ASPA: variants seen among roughly 807,000 people sequenced by gnomAD.
ASPA encodes aspartoacylase.
Under a neutral mutation model 29.6 loss-of-function variants are expected in ASPA, and 25 were observed. The ratio of observed to expected loss-of-function variants is 0.85; its 90% CI spans 0.62 to 1.18. The LOEUF is 1.18. Among genes scored for constraint, ASPA ranks in the 50% most tolerant of loss-of-function variants. The pLI is 0.00. For synonymous variants in ASPA, 131 were observed against 130.3 expected (o/e 1.01, Z -0.04); for missense variants, 333 against 385.7 (o/e 0.86, Z 1.14).
chr17:3,501,608 A>G lies in ASPA; in HGVS notation c.*2520A>G, dbSNP rs1334344651. On this transcript the variant is annotated 3_prime_UTR_variant, in exon 6 of 6. Transcript: ENST00000263080. ...ACAAAGGATTTAGAATATTACGTAA[A>G]CATAGTTGATAAAGCAGCAGCAGGG... 6.0e-6 allele frequency: 1 copy of G among 166,236 alleles called. No individual in the cohort carries two copies. Among genetic ancestry groups the G allele is most frequent in the Non-Finnish European group, 1.3e-5 (1 of 78,886 alleles). 10.3% of individuals were successfully genotyped at this position (166,236 alleles called of 1,614,324 possible).
chr17:3,491,876 TC>T (rs1241417587), intron 4 of ASPA, among the ~76,000 whole-genome samples: 30 of 102,696 alleles, frequency 2.9e-4, no homozygotes, highest in African/African-American at 1.0e-3. Flanking sequence ...TCTTTTGTTT[TC>T]TTTTTTTTTT....
intron 4 of ASPA, 90 bp from the exon 5 acceptor site, chr17:3,494,260 T>G: frequency 1.0e-6 from 1 of 991,480 alleles, no homozygotes; most frequent in Non-Finnish European, 1.6e-6. Flanking sequence ...CAACTCGGCC[T>G]CCCAAAGTGC....
intron 2 of ASPA, 130 bp downstream of exon 2, chr17:3,481,928 G>C (rs1173639002): frequency 1.1e-6 from 1 of 881,332 alleles, no homozygotes; most frequent in Non-Finnish European, 1.7e-6. Flanking sequence ...CCATAGCCAG[G>C]CTTGGTGGTT....
chr17:3,497,147 A>G (rs1467564272), intron 5 of ASPA, among the ~76,000 whole-genome samples: 1 of 152,012 alleles, frequency 6.6e-6, no homozygotes, highest in Non-Finnish European at 1.5e-5. Context: ...CAGGGAATCA[A>G]TTGAGTTCAC....
rs2073962593 is a variant in ASPA at position 3,499,290 on chromosome 17, A to G, written c.*202A>G. 4.1e-6 allele frequency: 2 copies of G among 483,438 alleles called. No homozygotes were observed. The highest frequency in any genetic ancestry group is 8.0e-5 in the South Asian group (2 of 24,956). The allele number at this position is 483,438 out of a possible 1,614,324, so 29.9% of individuals were successfully genotyped here. A position where few individuals can be genotyped will look rare whatever the true frequency, so the allele number is the denominator to read the frequency against. ...TATTTTATGTATGTAGCTTATTCAA[A>G]GAAGTGTTTCCTATTTCTATATAGT... On this transcript the variant is annotated 3_prime_UTR_variant, in exon 6 of 6. Coordinates refer to ENST00000263080, the MANE Select transcript of ASPA (RefSeq NM_000049.4).
chr17:3,488,870 C>T lies in ASPA; in HGVS notation c.527-365C>T, dbSNP rs2073772651. Among the ~76,000 whole-genome samples, 1 of 152,060 alleles carries T rather than the reference C, an allele frequency of 6.6e-6. No individual in the cohort carries two copies. The highest frequency in any genetic ancestry group is 1.5e-5 in the Non-Finnish European group (1 of 68,026). ...GATCTTAACAGTTTCTCTTCAGGTC[C>T]ACCTATTATTTTGTCAGCATAAACT... On this transcript the variant is annotated intron_variant, in intron 3 of 5. Coordinates refer to ENST00000263080, the MANE Select transcript of ASPA (RefSeq NM_000049.4). This position sits in a 1 kb window ranked among gnomAD's most constrained non-coding sequence, Gnocchi z 6.1.
chr17:3,489,242 A>G lies in ASPA; in HGVS notation c.534A>G (p.Glu178=). 6.2e-7 allele frequency: 1 copy of G among 1,606,882 alleles called. No homozygotes were observed. Among genetic ancestry groups the G allele is most frequent in the African/African-American group, 1.3e-5 (1 of 74,862 alleles). Residue 178 remains glutamate, a synonymous_variant, in exon 4 of 6, where the codon GAA becomes GAG. Transcript: ENST00000263080. ...CTCTCCTTCTGTACCTAGGTATAGA[A>G]GTTGGTCCTCAGCCTCAAGGGGTTC... ...RSIAKYPVGI[E]VGPQPQGVLR...
intron 3 of ASPA, 127 bp downstream of exon 3, chr17:3,483,719 A>G: frequency 3.4e-6 from 3 of 894,576 alleles, no homozygotes; most frequent in Non-Finnish European, 5.3e-6. Context: ...CTGGAGTCCG[A>G]TGGTGTGATC....
At chr17:3,498,463 T>G (rs1463552703) in intron 5 of ASPA, among the ~76,000 whole-genome samples, 5 of 152,074 alleles carry the variant, frequency 3.3e-5, no homozygotes, top group African/African-American at 1.2e-4. Context: ...TCCTCCCACC[T>G]CAGCCTCCTG....
At chr17:3,477,023 C>T (rs536617246) in intron 1 of ASPA, among the ~76,000 whole-genome samples, 17 of 151,926 alleles carry the variant, frequency 1.1e-4, no homozygotes, top group Non-Finnish European at 2.1e-4. Flanking sequence ...GGCGTAGTGG[C>T]GGGTGCCTGT....
In ASPA at chr17:3,490,522, C is replaced by G. The variant is rs2073806795; in HGVS notation, c.634+1180C>G. 6.8e-6 allele frequency among the ~76,000 whole-genome samples: 1 copy of G among 147,592 alleles called. No individual in the cohort carries two copies. The highest frequency in any genetic ancestry group is 2.5e-5 in the African/African-American group (1 of 40,446). ...CTTCGGTGTCTGTGGGGAGTGAATT[C>G]CTCAACCTCAGATCGTGCGCACCCC... On this transcript the variant is annotated intron_variant, in intron 4 of 5. Coordinates refer to ENST00000263080, the MANE Select transcript of ASPA (RefSeq NM_000049.4). The surrounding 1 kb of genome is among the most constrained non-coding windows in gnomAD (Gnocchi z 4.6).
chr17:3,496,048 G>A (rs191460533), intron 5 of ASPA, among the ~76,000 whole-genome samples: 25 of 152,308 alleles, frequency 1.6e-4, no homozygotes, highest in Admixed American at 1.3e-3. Flanking sequence ...CCAGGCAGAC[G>A]GAGAAGTGAG....
intron 2 of ASPA, among the ~76,000 whole-genome samples, chr17:3,482,318 A>G (rs1375958810): frequency 5.9e-5 from 9 of 152,222 alleles, no homozygotes; most frequent in Admixed American, 5.9e-4. Context: ...CATTTGATTT[A>G]GACACCCCAG....
chr17:3,493,449 T>G (rs958675157), intron 4 of ASPA, among the ~76,000 whole-genome samples: 2 of 147,520 alleles, frequency 1.4e-5, no homozygotes, highest in East Asian at 4.1e-4. Flanking sequence ...TAGTCCCAGC[T>G]ACTCAGGAGG....
At chr17:3,496,796 G>T (rs568852009) in intron 5 of ASPA, among the ~76,000 whole-genome samples, 16 of 152,214 alleles carry the variant, frequency 1.1e-4, no homozygotes, top group Non-Finnish European at 5.9e-5. Context: ...GCCAGGAGCG[G>T]TGGCTCACGC....
In ASPA at chr17:3,499,883, C is replaced by G. The variant is rs536690124; in HGVS notation, c.*795C>G. 1 of 152,306 alleles carries G rather than the reference C, an allele frequency of 6.6e-6. No individual in the cohort carries two copies. The highest frequency in any genetic ancestry group is 2.1e-4 in the South Asian group (1 of 4,832). The allele number at this position is 152,306 out of a possible 1,614,324, so 9.4% of individuals were successfully genotyped here. The stretch of plus-strand genomic sequence containing the variant: ...CTTAGTAAGGAAGGCATGTCAAAAG[C>G]TGAGACAGGCTGAAAGCTAGGCCTC... On this transcript the variant is annotated 3_prime_UTR_variant, in exon 6 of 6. Coordinates refer to ENST00000263080, the MANE Select transcript of ASPA (RefSeq NM_000049.4).
intron 5 of ASPA, 72 bp downstream of exon 5, chr17:3,494,531 T>C: frequency 1.6e-6 from 2 of 1,287,896 alleles, no homozygotes; most frequent in South Asian, 1.2e-5. Context: ...TTATAGCTCA[T>C]ACAGCACTTC....
At chr17:3,474,164 C>T (rs1024080704), upstream of ASPA, 3 of 152,024 alleles carry the variant, frequency 2.0e-5, no homozygotes, top group African/African-American at 4.8e-5. Flanking sequence ...ACTCTGTACA[C>T]AAAAAACAAG....
chr17:3,493,325 G>A (rs1222888751), intron 4 of ASPA, among the ~76,000 whole-genome samples: 1 of 152,140 alleles, frequency 6.6e-6, no homozygotes, highest in Non-Finnish European at 1.5e-5. Flanking sequence ...CACTTGGGGA[G>A]GCTGAGGCGG....
Sources: gnomAD v4.1 joint callset for allele counts (sites outside exome capture counted in the v4.1 genomes callset) on GRCh38, gnomAD v4.1.1 for gene constraint, Gnocchi (gnomAD v3.1) non-coding constraint, MANE v1.5 for transcripts, NCBI Gene and HGNC (gene_info 2026-07-23, HGNC 2026-07-21) for gene names.